SIPA1L2: variants seen among roughly 807,000 people sequenced by gnomAD.
SIPA1L2 encodes the protein signal-induced proliferation-associated 1-like protein 2.
SIPA1L2 carries 56 observed loss-of-function variants against 163.9 expected under a neutral mutation model. That is an observed-to-expected ratio of 0.34 (90% CI 0.28 to 0.43). The LOEUF (loss-of-function observed/expected upper bound fraction) is 0.43, where lower values mean the gene tolerates loss of function less well. Ranked by LOEUF, SIPA1L2 falls within the 20% of genes least tolerant of loss-of-function variation. The pLI, the probability that SIPA1L2 is intolerant of heterozygous loss-of-function variation, is 1.00. For synonymous variants in SIPA1L2, 877 were observed against 865.7 expected, an observed-to-expected ratio of 1.01 and a Z score of -0.23; for missense variants, 1,974 against 2,193.5, an observed-to-expected ratio of 0.90 and a Z score of 2.00.
intron 10 of SIPA1L2, among the ~76,000 whole-genome samples, chr1:232,447,796 G>A (rs755498736): frequency 1.3e-5 from 2 of 152,190 alleles, no homozygotes; most frequent in African/African-American, 4.8e-5. Flanking sequence ...TAACTAATAT[G>A]CATATGTGGA....
In SIPA1L2 at chr1:232,514,320, A is replaced by G. The variant is rs200049367; in HGVS notation, c.1020T>C (p.Asn340=). 4.3e-6 allele frequency: 7 copies of G among 1,613,166 alleles called. No individual in the cohort carries two copies. The highest frequency in any genetic ancestry group is 2.2e-5 in the East Asian group (1 of 44,892). ...AHYDVQSILF[N]INEAMATRAN... Reference sequence around the variant, plus strand: ...CCCTCGTAGCCATGGCTTCGTTGATATTAAACAAAATGCTCTGGACATCAT... The same window carrying G: ...CCCTCGTAGCCATGGCTTCGTTGATGTTAAACAAAATGCTCTGGACATCAT... Residue 340 remains asparagine (N), a synonymous_variant, in exon 3 of 23, where the codon AAT becomes AAC. Coordinates refer to ENST00000674635, the MANE Select transcript of SIPA1L2 (RefSeq NM_020808.5).
intron 2 of SIPA1L2, among the ~76,000 whole-genome samples, chr1:232,547,912 G>A (rs945808460): frequency 1.3e-5 from 2 of 152,242 alleles, no homozygotes; most frequent in East Asian, 1.9e-4. Context: ...TGACAAAGGT[G>A]CAAGAGACTG....
chr1:232,618,673 C>G (rs545696206), intron 1 of SIPA1L2, among the ~76,000 whole-genome samples: 1 of 149,562 alleles, frequency 6.7e-6, no homozygotes, highest in Admixed American at 6.7e-5. Flanking sequence ...AAAAAAAACT[C>G]TTGTTACTCC....
chr1:232,465,432 CAG>C lies in SIPA1L2; in HGVS notation c.2244-18_2244-17del, dbSNP rs1199386911. 1.9e-6 allele frequency: 3 copies of C among 1,583,626 alleles called. No homozygotes were observed. Among genetic ancestry groups the C allele is most frequent in the Non-Finnish European group, 1.7e-6 (2 of 1,164,620 alleles). On this transcript the variant is annotated splice_polypyrimidine_tract_variant and intron_variant, in intron 8 of 22. Transcript: ENST00000674635. The surrounding 1 kb of genome is among the most constrained non-coding windows in gnomAD (Gnocchi z 4.1). ...AACTCCAACACTGAGGAAGTAAAAA[CAG>C]AAACAAAATGAGATGAGCTATGATA...
intron 2 of SIPA1L2, among the ~76,000 whole-genome samples, chr1:232,539,055 G>A (rs1183267000): frequency 2.0e-5 from 3 of 152,246 alleles, no homozygotes; most frequent in Non-Finnish European, 2.9e-5. Flanking sequence ...TGGCAACACA[G>A]AATGAAAATC....
intron 2 of SIPA1L2, among the ~76,000 whole-genome samples, chr1:232,559,053 C>T (rs1658887722): frequency 6.6e-6 from 1 of 152,254 alleles, no homozygotes; most frequent in Non-Finnish European, 1.5e-5. Context: ...AGTCCTCATC[C>T]CACCGGTGGG....
intron 2 of SIPA1L2, among the ~76,000 whole-genome samples, chr1:232,526,228 G>T (rs995419260): frequency 6.6e-6 from 1 of 152,190 alleles, no homozygotes; most frequent in African/African-American, 2.4e-5. Context: ...CCCCAGGCCT[G>T]TATCTGTCAT....
Position 232,514,554 on chromosome 1 carries a change from A to C in SIPA1L2, c.786T>G (p.Asp262Glu). 11 of 1,614,110 alleles carry C rather than the reference A, an allele frequency of 6.8e-6. No homozygotes were observed. The highest frequency in any genetic ancestry group is 9.3e-6 in the Non-Finnish European group (11 of 1,180,010). ...RGEFVRISGLDYVDSALLMGR... is the reference protein window; with the variant it reads ...RGEFVRISGLEYVDSALLMGR... ...CCATCAGGAGGGCACTGTCCACATA[A>C]TCTAATCCTGAGATGCGGACAAATT... Residue 262 changes from aspartate (D) to glutamate (E), a missense_variant, in exon 3 of 23, where the codon GAT becomes GAG. By Grantham distance (45) the Asp-to-Glu change is conservative. Around this residue, in one of 3 missense-constraint regions of SIPA1L2, gnomAD observed 607 missense variants for 624.0 expected, o/e 0.97. Coordinates refer to ENST00000674635, the MANE Select transcript of SIPA1L2 (RefSeq NM_020808.5).
chr1:232,507,197 T>C (rs999199823), intron 3 of SIPA1L2, among the ~76,000 whole-genome samples: 2 of 151,118 alleles, frequency 1.3e-5, no homozygotes, highest in African/African-American at 4.9e-5. Context: ...TTTCTCCGAC[T>C]TTCCCTGCTT....
chr1:232,442,192 G>A (rs182914542), intron 12 of SIPA1L2, among the ~76,000 whole-genome samples: 6 of 151,788 alleles, frequency 4.0e-5, no homozygotes, highest in East Asian at 1.9e-4. Flanking sequence ...GGAGGAGGTC[G>A]CATTTTTACG....
At chr1:232,621,008 A>G (rs910102494) in intron 1 of SIPA1L2, among the ~76,000 whole-genome samples, 7 of 152,246 alleles carry the variant, frequency 4.6e-5, no homozygotes, top group African/African-American at 1.7e-4. Flanking sequence ...TTAAACAAAG[A>G]TTATGCAAAT....
chr1:232,589,886 T>C (rs1246369801), intron 1 of SIPA1L2, among the ~76,000 whole-genome samples: 1 of 152,238 alleles, frequency 6.6e-6, no homozygotes, highest in Non-Finnish European at 1.5e-5. Context: ...GTAAGGCATA[T>C]GCGTTTCAGG....
Position 232,479,854 on chromosome 1 carries a change from T to C in SIPA1L2, c.1982-124A>G, listed in dbSNP as rs1418147262. 1.3e-5 allele frequency: 9 copies of C among 705,576 alleles called. No individual in the cohort carries two copies. In the Admixed American group the frequency reaches 2.0e-4, roughly 16 times the overall value. The allele number at this position is 705,576 out of a possible 1,614,324, so 43.7% of individuals were successfully genotyped here. On this transcript the variant is annotated intron_variant, in intron 6 of 22. Transcript: ENST00000674635. The stretch of plus-strand genomic sequence containing the variant: ...CACCAAGCTCTACCCAACCAGTATC[T>C]GGATGCTGCCCATCCAGCTTTCATC...
chr1:232,401,188 C>T (rs1406863690), intron 22 of SIPA1L2, among the ~76,000 whole-genome samples: 2 of 152,128 alleles, frequency 1.3e-5, no homozygotes, highest in Admixed American at 1.3e-4. Flanking sequence ...CGGTTCTACA[C>T]TTGCAGCTGG....
chr1:232,615,291 C>G (rs1662445148), intron 1 of SIPA1L2, among the ~76,000 whole-genome samples: 1 of 152,216 alleles, frequency 6.6e-6, no homozygotes, highest in African/African-American at 2.4e-5. Flanking sequence ...TAAAATCGAT[C>G]AGAATCGTCA....
At chr1:232,571,705 G>A (rs1659739002) in intron 2 of SIPA1L2, among the ~76,000 whole-genome samples, 1 of 152,200 alleles carries the variant, frequency 6.6e-6, no homozygotes, top group Admixed American at 6.5e-5. Context: ...GGGGTTAAGT[G>A]AGTTCTCCTT....
At chr1:232,400,006 G>A (rs1272949928) in intron 22 of SIPA1L2, among the ~76,000 whole-genome samples, 4 of 152,138 alleles carry the variant, frequency 2.6e-5, no homozygotes, top group African/African-American at 7.2e-5. Context: ...GAGGTGAGTG[G>A]ACGCCCCCAC....
intron 22 of SIPA1L2, among the ~76,000 whole-genome samples, chr1:232,401,109 G>C (rs543446872): frequency 7.9e-4 from 118 of 149,952 alleles, no homozygotes; most frequent in African/African-American, 2.7e-3. Flanking sequence ...CAGGGTCCTT[G>C]TCTCTCTCTC....
chr1:232,404,053 C>G (rs1003191780), intron 20 of SIPA1L2, 72 bp downstream of exon 20: 3 of 1,544,786 alleles, frequency 1.9e-6, no homozygotes, highest in Non-Finnish European at 2.7e-6. Flanking sequence ...ACCATGCAGA[C>G]GTGCAGACAC....
Sources: gnomAD v4.1 joint callset for allele counts (sites outside exome capture counted in the v4.1 genomes callset) on GRCh38, gnomAD v4.1.1 for gene constraint, gnomAD v4.1.1 regional missense constraint, Gnocchi (gnomAD v3.1) non-coding constraint, MANE v1.5 for transcripts, NCBI Gene and HGNC (gene_info 2026-07-23, HGNC 2026-07-21) for gene names.